HERC2: variants seen among roughly 807,000 people sequenced by gnomAD.
HERC2 encodes the protein HECT and RLD domain containing E3 ubiquitin protein ligase 2, also known as E3 ubiquitin-protein ligase HERC2.
In HERC2, 102 loss-of-function variants were observed where a neutral mutation model predicts 537.7. That is an observed-to-expected ratio of 0.19 (90% CI 0.16 to 0.22). The LOEUF is 0.22. Ranked by LOEUF, HERC2 falls within the 10% of genes least tolerant of loss-of-function variation. The probability of loss-of-function intolerance (pLI) is 1.00; values close to 1 mark genes in which losing one functional copy is unlikely to be tolerated. For synonymous variants in HERC2, 2,224 were observed against 2,466.2 expected (o/e 0.90, Z 2.91); for missense variants, 4,236 against 6,198.2 (o/e 0.68, Z 10.63).
In HERC2 at chr15:28,238,746, T is replaced by C; in HGVS notation, c.3604A>G (p.Arg1202Gly). The change falls in exon 24 of 93, where the codon AGA (arginine) becomes GGA (glycine). Residue 1202 changes from arginine (R) to glycine (G), a missense_variant. By Grantham distance (125) the Arg-to-Gly change is moderately radical. Coordinates refer to ENST00000261609, the MANE Select transcript of HERC2 (RefSeq NM_004667.6). ...ATAAGTGTCACTTCCTCATTATTTC[T>C]ACAGTTCTGACCTGTAAAAAATGAC... ...MESFFTGQNCRNNEEVTLIRK... is the reference protein window; with the variant it reads ...MESFFTGQNCGNNEEVTLIRK... The C allele has an allele frequency of 6.2e-7, 1 of 1,611,320 alleles. No homozygotes were observed. The highest frequency in any genetic ancestry group is 8.5e-7 in the Non-Finnish European group (1 of 1,179,232).
At position 28,111,057 on chromosome 15, in the gene HERC2, T is replaced by C. The variant is rs1215567956; in HGVS notation, c.*706A>G. 1 of 152,254 alleles carries C rather than the reference T, an allele frequency of 6.6e-6. No homozygotes were observed. Among genetic ancestry groups the C allele is most frequent in the Non-Finnish European group, 1.5e-5 (1 of 68,042 alleles). The allele number at this position is 152,254 out of a possible 1,614,324, so 9.4% of individuals were successfully genotyped here. ...GCCTACACTTTTATGTCAGATGTTT[T>C]ATTTATAGATAATTAAAATTTAGGC... is the stretch of plus-strand genomic sequence containing the variant. On this transcript the variant is annotated 3_prime_UTR_variant, in exon 93 of 93. Coordinates refer to ENST00000261609, the MANE Select transcript of HERC2 (RefSeq NM_004667.6).
intron 16 of HERC2, among the ~76,000 whole-genome samples, chr15:28,259,331 G>A (rs545376486): frequency 6.6e-6 from 1 of 151,806 alleles, no homozygotes; most frequent in African/African-American, 2.4e-5. Context: ...CTGACCTCAG[G>A]TGATCCACCC....
intron 10 of HERC2, among the ~76,000 whole-genome samples, chr15:28,270,202 T>TATAG (rs547272647): frequency 1.8e-4 from 28 of 151,912 alleles, no homozygotes; most frequent in South Asian, 6.2e-4. Flanking sequence ...TTTATTTATT[T>TATAG]ATAGATAGAT....
intron 52 of HERC2, among the ~76,000 whole-genome samples, chr15:28,194,109 A>G (rs1379750240): frequency 1.4e-5 from 2 of 147,358 alleles, no homozygotes; most frequent in Non-Finnish European, 3.0e-5. Flanking sequence ...TCTGCCACCC[A>G]GGCTGGAGTG....
intron 10 of HERC2, among the ~76,000 whole-genome samples, chr15:28,269,958 T>G (rs1394190317): frequency 6.6e-6 from 1 of 152,172 alleles, no homozygotes; most frequent in African/African-American, 2.4e-5. Context: ...TTTGTGTTTG[T>G]TTTTGTTGTT....
chr15:28,153,068 T>C (rs1225548719), intron 69 of HERC2, among the ~76,000 whole-genome samples: 2 of 152,304 alleles, frequency 1.3e-5, no homozygotes, highest in South Asian at 4.1e-4. Context: ...TAAAAAGTCG[T>C]TGGGGCCAGG....
chr15:28,214,683 G>A lies in HERC2; in HGVS notation c.6330C>T (p.Thr2110=), dbSNP rs556059600. 1 of 1,612,064 alleles carries A rather than the reference G, an allele frequency of 6.2e-7. No individual in the cohort carries two copies. Among genetic ancestry groups the A allele is most frequent in the Non-Finnish European group, 8.5e-7 (1 of 1,179,856 alleles). ...LFDFLGSLLT[T]CSSDVPLLRE... The stretch of plus-strand genomic sequence containing the variant: ...TGAGTAATGGCACGTCAGAGGAGCA[G>A]GTAGTGAGCAAGCTTCCCAAGAAGT... Residue 2110 remains threonine, a synonymous_variant, in exon 40 of 93, where the codon ACC becomes ACT. Transcript: ENST00000261609.
Position 28,270,736 on chromosome 15 carries a change from G to T in HERC2, c.1216C>A (p.Pro406Thr). 1 of 1,613,982 alleles carries T rather than the reference G, an allele frequency of 6.2e-7. No homozygotes were observed. The highest frequency in any genetic ancestry group is 8.5e-7 in the Non-Finnish European group (1 of 1,179,860). Residue 406 changes from proline (P) to threonine (T), a missense_variant, in exon 10 of 93, where the codon CCC becomes ACC. Pro to Thr is a conservative substitution (Grantham distance 38). Transcript: ENST00000261609. ...GAGCTACACAGCGGAGGCATACAGGGCGTAGCCAGACGGTCTAAATGGGCC... is the reference window on the plus strand; with the variant it reads ...GAGCTACACAGCGGAGGCATACAGGTCGTAGCCAGACGGTCTAAATGGGCC... ...VMAHLDRLAT[P>T]CMPPLCSSPT...
intron 64 of HERC2, among the ~76,000 whole-genome samples, 160 bp downstream of exon 64, chr15:28,175,352 T>C (rs146044137): frequency 1.7e-3 from 259 of 152,154 alleles, no homozygotes; most frequent in African/African-American, 4.9e-3. Context: ...GATACACCAG[T>C]GGGCAAAAGG....
rs529903121 is a variant in HERC2 at position 28,230,680 on chromosome 15, C to G, written c.4676-180G>C. 3.3e-5 allele frequency among the ~76,000 whole-genome samples: 5 copies of G among 152,132 alleles called. No individual in the cohort carries two copies. The East Asian group carries it at 9.7e-4, about 30-fold the overall frequency. On this transcript the variant is annotated intron_variant, in intron 30 of 92. Transcript: ENST00000261609. ...TGATCACCCTGGCAGAACAAAAAGA[C>G]AAAGTGAGAGTGCGACGAGGGGAGA...
In HERC2 at chr15:28,143,572, A is replaced by G. The variant is rs560067437; in HGVS notation, c.11418+301T>C. ...AGCGATTCTCCTGCCTCAGCCTCCC[A>G]AGTAGCTGGGACTACAGGTGCCCAC... On this transcript the variant is annotated intron_variant, in intron 74 of 92. Coordinates refer to ENST00000261609, the MANE Select transcript of HERC2 (RefSeq NM_004667.6). Among the ~76,000 whole-genome samples, 290 of 151,902 alleles carry G rather than the reference A, an allele frequency of 1.9e-3. 1 individual carries two copies. Among genetic ancestry groups the G allele is most frequent in the African/African-American group, 6.6e-3 (275 of 41,416 alleles).
Position 28,265,961 on chromosome 15 carries a change from G to C in HERC2, c.1612C>G (p.Pro538Ala). 2.5e-6 allele frequency: 4 copies of C among 1,614,128 alleles called. No homozygotes were observed. The highest frequency in any genetic ancestry group is 8.5e-7 in the Non-Finnish European group (1 of 1,180,020). Residue 538 changes from proline (P) to alanine (A), a missense_variant, in exon 13 of 93, where the codon CCT becomes GCT. Transcript: ENST00000261609. The surrounding 1 kb of genome is among the most constrained non-coding windows in gnomAD (Gnocchi z 4.0). ...GHGDTVPLEE[P>A]KVISAFSGKQ... is the part of the protein sequence containing the mutation. ...CCAGAGAAGGCGGAGATCACCTTAG[G>C]CTCCTCCAAAGGCCTTGGGGAGAAA...
In HERC2 at chr15:28,257,258, A is replaced by T. The variant is rs370579166; in HGVS notation, c.2320T>A (p.Phe774Ile). 5 of 1,613,416 alleles carry T rather than the reference A, an allele frequency of 3.1e-6. No individual in the cohort carries two copies. Among genetic ancestry groups the T allele is most frequent in the East Asian group, 4.5e-5 (2 of 44,866 alleles). Residue 774 changes from phenylalanine to isoleucine, a missense_variant, in exon 17 of 93, where the codon TTT becomes ATT. By Grantham distance (21) the Phe-to-Ile change is conservative (BLOSUM62 0). Transcript: ENST00000261609. ...VGIACGPAQS[F>I]AWSSCSEWSI... ...CACTCAGAACATGATGACCAAGCAAAGCTCTAAGAGGAAACGCAACAATCT... is the reference window on the plus strand; with the variant it reads ...CACTCAGAACATGATGACCAAGCAATGCTCTAAGAGGAAACGCAACAATCT...
intron 72 of HERC2, 23 bp downstream of exon 72, chr15:28,144,650 A>T: frequency 3.1e-6 from 5 of 1,614,130 alleles, no homozygotes; most frequent in Non-Finnish European, 4.2e-6. Flanking sequence ...TCTAACCTTG[A>T]TCGCCATAAG....
intron 56 of HERC2, among the ~76,000 whole-genome samples, chr15:28,183,203 A>G (rs1895989256): frequency 6.6e-6 from 1 of 151,586 alleles, no homozygotes; most frequent in Admixed American, 6.6e-5. Context: ...ACAGGTTAGG[A>G]GTTTATTTAT....
At chr15:28,144,852 A>G in intron 71 of HERC2, 48 bp from the exon 72 acceptor site, 6 of 1,612,116 alleles carry the variant, frequency 3.7e-6, no homozygotes, top group Non-Finnish European at 5.1e-6. Context: ...CCATCATCCA[A>G]TCAACACAAA....
At chr15:28,255,820 G>A (rs1469693481) in intron 19 of HERC2, 52 bp downstream of exon 19, 2 of 1,567,476 alleles carry the variant, frequency 1.3e-6, no homozygotes, top group Non-Finnish European at 1.7e-6. Context: ...TGTGAGTGTG[G>A]TATTTCTGAT....
rs569299276 is a variant in HERC2, at chr15:28,125,284, G to A, written c.12803-91C>T. ...TCTTCCCACCACACACAGCACCAAC[G>A]CTCCCTGCCCTTCAGCTGGTGTTGA... On this transcript the variant is annotated intron_variant, in intron 83 of 92. Coordinates refer to ENST00000261609, the MANE Select transcript of HERC2 (RefSeq NM_004667.6). 3.7e-4 allele frequency: 378 copies of A among 1,022,416 alleles called. 3 individuals are homozygous for A. The East Asian group carries it at 8.5e-3, about 23-fold the overall frequency. The allele number at this position is 1,022,416 out of a possible 1,614,324, so 63.3% of individuals were successfully genotyped here.
intron 50 of HERC2, among the ~76,000 whole-genome samples, 163 bp downstream of exon 50, chr15:28,198,215 T>C (rs1307535018): frequency 6.6e-6 from 1 of 152,176 alleles, no homozygotes; most frequent in Non-Finnish European, 1.5e-5. Flanking sequence ...TGCAGGTGAG[T>C]TCCTCTGTGG....
Sources: allele counts gnomAD v4.1 joint callset (sites outside exome capture counted in the v4.1 genomes callset), GRCh38; gene constraint gnomAD v4.1.1; non-coding constraint Gnocchi (gnomAD v3.1); transcripts MANE v1.5; gene names NCBI Gene and HGNC (gene_info 2026-07-23, HGNC 2026-07-21).